Variants in NPTN observed in about 807,000 individuals in gnomAD.
The protein encoded by NPTN is SDR-1.
In NPTN, 5 loss-of-function variants were observed where a neutral mutation model predicts 42.7. That is an observed-to-expected ratio of 0.12 (90% CI 0.06 to 0.25). The LOEUF (loss-of-function observed/expected upper bound fraction) is 0.25. NPTN is among the 10% of genes least tolerant of loss of function. The pLI, the probability that NPTN is intolerant of heterozygous loss-of-function variation, is 1.00. For synonymous variants in NPTN, 180 were observed against 201.9 expected (o/e 0.89, Z 0.92); for missense variants, 307 against 525.4 (o/e 0.58, Z 4.06).
chr15:73,580,615 T>C (rs1339684601), intron 4 of NPTN, among the ~76,000 whole-genome samples: 1 of 145,162 alleles, frequency 6.9e-6, no homozygotes, highest in Non-Finnish European at 1.5e-5. Context: ...TATATACATG[T>C]TATATATGTA....
intron 5 of NPTN, among the ~76,000 whole-genome samples, chr15:73,571,931 A>C (rs1895419945): frequency 6.6e-6 from 1 of 152,218 alleles, no homozygotes; most frequent in African/African-American, 2.4e-5. Flanking sequence ...ATACTGCGTT[A>C]ATTCCAACCT....
chr15:73,577,898 A>G (rs1895779510), intron 4 of NPTN, among the ~76,000 whole-genome samples: 1 of 152,204 alleles, frequency 6.6e-6, no homozygotes, highest in Non-Finnish European at 1.5e-5. Flanking sequence ...AGTTATCCTT[A>G]GAAACTCTGC....
intron 1 of NPTN, among the ~76,000 whole-genome samples, chr15:73,619,981 G>C (rs945481936): frequency 6.6e-6 from 1 of 152,106 alleles, no homozygotes; most frequent in Non-Finnish European, 1.5e-5. Context: ...TCTAATAAGC[G>C]ACTGAGAAAA....
chr15:73,616,214 T>C (rs1451708505), intron 1 of NPTN, among the ~76,000 whole-genome samples: 6 of 152,160 alleles, frequency 3.9e-5, no homozygotes, highest in South Asian at 4.1e-4. Context: ...AAGTACATTA[T>C]GAACCAAAGG....
intron 5 of NPTN, among the ~76,000 whole-genome samples, chr15:73,571,672 TG>T (rs1438284293): frequency 1.3e-5 from 2 of 152,146 alleles, no homozygotes; most frequent in African/African-American, 4.8e-5. Context: ...CTCAGCGGGA[TG>T]GCTCACTGCA....
chr15:73,580,565 C>A (rs1052126802), intron 4 of NPTN, among the ~76,000 whole-genome samples: 1 of 128,786 alleles, frequency 7.8e-6, no homozygotes, highest in Non-Finnish European at 1.6e-5. Flanking sequence ...TATGTATATA[C>A]ATGTTATATA....
At chr15:73,625,574 G>GC (rs1006784423) in intron 1 of NPTN, among the ~76,000 whole-genome samples, 1 of 152,008 alleles carries the variant, frequency 6.6e-6, no homozygotes, top group Non-Finnish European at 1.5e-5. Context: ...CTCGTGATCC[G>GC]CCCACCGCAG....
At chr15:73,577,384 G>GGA (rs1016185698) in intron 4 of NPTN, among the ~76,000 whole-genome samples, 1 of 152,170 alleles carries the variant, frequency 6.6e-6, no homozygotes, top group Admixed American at 6.5e-5. Context: ...AAACCCAAAG[G>GGA]GAGAGACTGA....
chr15:73,573,624 C>T, intron 5 of NPTN, 38 bp downstream of exon 5: 1 of 1,527,858 alleles, frequency 6.5e-7, no homozygotes, highest in East Asian at 2.4e-5. Flanking sequence ...GCAGGGAAAA[C>T]TCCAGCAACC....
chr15:73,589,356 G>C (rs1339759950), intron 3 of NPTN, among the ~76,000 whole-genome samples: 2 of 151,922 alleles, frequency 1.3e-5, no homozygotes, highest in African/African-American at 4.8e-5. Flanking sequence ...AAAAGAAAAA[G>C]TAGTATATAT....
intron 1 of NPTN, among the ~76,000 whole-genome samples, chr15:73,616,916 T>C (rs1169362587): frequency 2.0e-5 from 3 of 152,202 alleles, no homozygotes; most frequent in East Asian, 1.9e-4. Context: ...CTGGATAAAA[T>C]TGAAGTAGTA....
At chr15:73,585,954 T>C (rs1293054328) in intron 4 of NPTN, among the ~76,000 whole-genome samples, 2 of 152,190 alleles carry the variant, frequency 1.3e-5, no homozygotes, top group East Asian at 3.9e-4. Flanking sequence ...GAAAGATGCC[T>C]CTAGGGCCAC....
chr15:73,573,375 A>G (rs1165008116), intron 5 of NPTN, among the ~76,000 whole-genome samples: 1 of 152,118 alleles, frequency 6.6e-6, no homozygotes, highest in Non-Finnish European at 1.5e-5. Context: ...TTTATAAATT[A>G]CCCAGTCTCT....
chr15:73,580,569 TTATATATGTATA>T (rs1482573132), intron 4 of NPTN, among the ~76,000 whole-genome samples: 6 of 139,478 alleles, frequency 4.3e-5, no homozygotes, highest in African/African-American at 1.6e-4. Flanking sequence ...TATATACATG[TTATATATGTATA>T]TACATGTTAT....
At chr15:73,567,701 G>C in intron 6 of NPTN, 2 of 985,402 alleles carry the variant, frequency 2.0e-6, no homozygotes, top group Non-Finnish European at 2.4e-6. Flanking sequence ...GAGTTTGAGA[G>C]AAAGACAGAA....
intron 1 of NPTN, among the ~76,000 whole-genome samples, chr15:73,600,404 T>A (rs1897032344): frequency 6.6e-6 from 1 of 152,218 alleles, no homozygotes; most frequent in African/African-American, 2.4e-5. Context: ...GCATTATATG[T>A]TTAGGCAATG....
At chr15:73,604,281 C>T (rs903721203) in intron 1 of NPTN, among the ~76,000 whole-genome samples, 4 of 152,028 alleles carry the variant, frequency 2.6e-5, no homozygotes, top group Non-Finnish European at 2.9e-5. Flanking sequence ...CTGGGTAACA[C>T]GGCAAAAAAC....
intron 4 of NPTN, among the ~76,000 whole-genome samples, chr15:73,576,300 C>T (rs1322939762): frequency 2.0e-5 from 3 of 152,164 alleles, no homozygotes; most frequent in East Asian, 1.9e-4. Context: ...GGAGTATATA[C>T]AAGGTTCCTG....
chr15:73,623,981 C>G (rs1361808387), intron 1 of NPTN, among the ~76,000 whole-genome samples: 1 of 152,220 alleles, frequency 6.6e-6, no homozygotes, highest in Non-Finnish European at 1.5e-5. Context: ...ACAGCCCATC[C>G]ATCTTTGGAG....
Sources: gnomAD v4.1 joint callset for allele counts (sites outside exome capture counted in the v4.1 genomes callset) on GRCh38, gnomAD v4.1.1 for gene constraint, MANE v1.5 for transcripts, NCBI Gene and HGNC (gene_info 2026-07-23, HGNC 2026-07-21) for gene names.